Variants in ERC1 observed in about 807,000 individuals in gnomAD.
The protein encoded by ERC1 is ELKS/RAB6-interacting/CAST family member 1.
Under a neutral mutation model 132.0 loss-of-function variants are expected in ERC1, and 56 were observed. That is an observed-to-expected ratio of 0.42 (90% confidence interval 0.34 to 0.53). The LOEUF (loss-of-function observed/expected upper bound fraction) is 0.53, where lower values mean the gene tolerates loss of function less well. Among genes scored for constraint, ERC1 ranks in the 20% least tolerant of loss-of-function variants. The pLI, the probability that ERC1 is intolerant of heterozygous loss-of-function variation, is 0.03. For synonymous variants in ERC1, 478 were observed against 476.1 expected (o/e 1.00, Z -0.05); for missense variants, 1,202 against 1,349.9 (o/e 0.89, Z 1.72).
At chr12:1,251,330 C>T (rs988347512) in intron 13 of ERC1, among the ~76,000 whole-genome samples, 1 of 152,152 alleles carries the variant, frequency 6.6e-6, no homozygotes, top group Admixed American at 6.5e-5. Flanking sequence ...TTTCCTGTTT[C>T]TAGAACTTTT....
intron 2 of ERC1, among the ~76,000 whole-genome samples, chr12:1,075,023 G>A (rs1269289261): frequency 6.6e-6 from 1 of 151,840 alleles, no homozygotes; most frequent in Non-Finnish European, 1.5e-5. Flanking sequence ...GGCTTTCAGT[G>A]TGCTTTGCTG....
intron 15 of ERC1, among the ~76,000 whole-genome samples, chr12:1,295,006 G>A (rs562419364): frequency 6.6e-6 from 1 of 152,282 alleles, no homozygotes; most frequent in Admixed American, 6.5e-5. Flanking sequence ...GATGGTCTGT[G>A]TAGCAAAGGA....
At chr12:990,299 G>C (rs1959169360), upstream of ERC1, 1 of 151,998 alleles carries the variant, frequency 6.6e-6, no homozygotes, top group African/African-American at 2.4e-5. Context: ...TCTTGGTTTA[G>C]AGATAGCTTA....
At chr12:992,816 G>A (rs1442557919) in intron 1 of ERC1, among the ~76,000 whole-genome samples, 1 of 152,186 alleles carries the variant, frequency 6.6e-6, no homozygotes, top group Non-Finnish European at 1.5e-5. Flanking sequence ...TGATGGACAT[G>A]TATTATGTAA....
chr12:1,382,587 T>G (rs1200792472), intron 16 of ERC1, among the ~76,000 whole-genome samples: 1 of 152,246 alleles, frequency 6.6e-6, no homozygotes, highest in African/African-American at 2.4e-5. Context: ...ACTTGCCTCT[T>G]CGGGCTTTAT....
At chr12:1,485,201 CTT>C (rs71441650) in intron 18 of ERC1, among the ~76,000 whole-genome samples, 1 of 96,392 alleles carries the variant, frequency 1.0e-5, no homozygotes, top group Non-Finnish European at 2.0e-5. Flanking sequence ...GTTTATATTT[CTT>C]TTTTTTTTTT....
intron 18 of ERC1, among the ~76,000 whole-genome samples, chr12:1,463,284 A>C (rs1193428209): frequency 6.6e-6 from 1 of 152,202 alleles, no homozygotes; most frequent in Non-Finnish European, 1.5e-5. Context: ...ATCAATCATC[A>C]GTCACAGACA....
chr12:1,474,590 G>A (rs150448632), intron 18 of ERC1, among the ~76,000 whole-genome samples: 1 of 152,206 alleles, frequency 6.6e-6, no homozygotes, highest in East Asian at 1.9e-4. Flanking sequence ...CATGACTTGT[G>A]CTGAGCGGTA....
chr12:1,274,603 C>T (rs1299603814), intron 14 of ERC1, among the ~76,000 whole-genome samples: 1 of 151,994 alleles, frequency 6.6e-6, no homozygotes, highest in African/African-American at 2.4e-5. Flanking sequence ...AGCAATTCTT[C>T]TGCTTCAGCC....
In ERC1 at chr12:1,083,484, T is replaced by A. The variant is rs766861814; in HGVS notation, c.990T>A (p.His330Gln). The change falls in exon 3 of 19, where the codon CAT (histidine) becomes CAA (glutamine). Residue 330 changes from histidine (H) to glutamine (Q), a missense_variant. His to Gln is a conservative substitution (Grantham distance 24). Coordinates refer to ENST00000360905, the MANE Select transcript of ERC1 (RefSeq NM_178040.4). ...GLSAKATEED[H>Q]ERTRRLAEAE... is the part of the protein sequence containing the mutation. ...CTGCCAAGGCTACCGAGGAAGACCA[T>A]GAGAGAACAAGACGACTGGCAGAGG... The A allele has an allele frequency of 3.1e-6, 5 of 1,614,032 alleles. No homozygotes were observed. The highest frequency in any genetic ancestry group is 4.2e-6 in the Non-Finnish European group (5 of 1,180,010).
chr12:1,004,793 T>C (rs573908359), intron 1 of ERC1, among the ~76,000 whole-genome samples: 1 of 148,682 alleles, frequency 6.7e-6, no homozygotes, highest in Non-Finnish European at 1.5e-5. Flanking sequence ...TTTCTCTGGC[T>C]GCCTGCCTTT....
chr12:1,098,808 T>A (rs1037655675), intron 3 of ERC1, among the ~76,000 whole-genome samples: 1 of 152,292 alleles, frequency 6.6e-6, no homozygotes, highest in African/African-American at 2.4e-5. Flanking sequence ...TTTTAAACCA[T>A]GTAGTAGATT....
chr12:1,247,252 A>T (rs1374645287), intron 13 of ERC1, among the ~76,000 whole-genome samples: 2 of 152,158 alleles, frequency 1.3e-5, no homozygotes. Flanking sequence ...AAAAATCCGG[A>T]AAGAAAGGAC....
intron 8 of ERC1, among the ~76,000 whole-genome samples, chr12:1,151,440 A>G (rs921132127): frequency 4.6e-5 from 7 of 152,208 alleles, no homozygotes; most frequent in Non-Finnish European, 5.9e-5. Flanking sequence ...AACAACCAGG[A>G]CAGATTTGAT....
rs904876523 is a variant in ERC1, at chr12:1,493,010, A to G, written c.*2780A>G. 1 of 225,424 alleles carries G rather than the reference A, an allele frequency of 4.4e-6. No homozygotes were observed. Among genetic ancestry groups the G allele is most frequent in the Non-Finnish European group, 8.8e-6 (1 of 113,182 alleles). The allele number at this position is 225,424 out of a possible 1,614,324, so 14.0% of individuals were successfully genotyped here. A position where few individuals can be genotyped will look rare whatever the true frequency, so the allele number is the denominator to read the frequency against. On this transcript the variant is annotated 3_prime_UTR_variant, in exon 19 of 19. Transcript: ENST00000360905. ...CCATCGGCAAGTCTAGTTGCCCTTTAGCACCTAAAGATCTGCACCCCAAAC... is the reference window on the plus strand; with the variant it reads ...CCATCGGCAAGTCTAGTTGCCCTTTGGCACCTAAAGATCTGCACCCCAAAC...
intron 15 of ERC1, among the ~76,000 whole-genome samples, chr12:1,306,243 G>A (rs2080872588): frequency 6.6e-6 from 1 of 152,202 alleles, no homozygotes; most frequent in African/African-American, 2.4e-5. Context: ...CAGACTTACA[G>A]AGGGAGCATA....
At chr12:1,361,548 T>A (rs1221490456) in intron 15 of ERC1, among the ~76,000 whole-genome samples, 1 of 152,208 alleles carries the variant, frequency 6.6e-6, no homozygotes, top group Non-Finnish European at 1.5e-5. Flanking sequence ...TGTGCTTAAA[T>A]ACCAGGAGCC....
intron 4 of ERC1, among the ~76,000 whole-genome samples, chr12:1,107,976 G>A (rs889656968): frequency 1.3e-5 from 2 of 152,174 alleles, no homozygotes; most frequent in African/African-American, 2.4e-5. Context: ...GAAGTACAGA[G>A]TAGTAAAGTG....
chr12:1,391,892 A>G (rs1021204218), intron 16 of ERC1, among the ~76,000 whole-genome samples: 1 of 152,132 alleles, frequency 6.6e-6, no homozygotes, highest in African/African-American at 2.4e-5. Flanking sequence ...CTGGATATAT[A>G]AGGCAGAAAG....
Sources: gnomAD v4.1 joint callset for allele counts (sites outside exome capture counted in the v4.1 genomes callset) on GRCh38, gnomAD v4.1.1 for gene constraint, MANE v1.5 for transcripts, NCBI Gene and HGNC (gene_info 2026-07-23, HGNC 2026-07-21) for gene names.